The following PCDHA9 variants were observed in gnomAD, a reference collection of about 807,000 sequenced individuals.
The protein encoded by PCDHA9 is protocadherin alpha 9, also known as protocadherin alpha-9.
A neutral mutation model predicts 62.0 loss-of-function variants in PCDHA9; 62 were observed. The observed-to-expected ratio is 1.00, with a 90% CI of 0.81 to 1.23. PCDHA9 has a LOEUF of 1.23. Among genes scored for constraint, PCDHA9 ranks in the 50% most tolerant of loss-of-function variants. The pLI is 0.00. For missense variants in PCDHA9, 1,205 were observed against 1,249.8 expected, an observed-to-expected ratio of 0.96 and a Z score of 0.54; for synonymous variants, 557 against 567.6, an observed-to-expected ratio of 0.98 and a Z score of 0.27.
At chr5:140,896,555 T>C (rs2065621728) in intron 1 of PCDHA9, among the ~76,000 whole-genome samples, 1 of 151,910 alleles carries the variant, frequency 6.6e-6, no homozygotes, top group African/African-American at 2.4e-5. Context: ...TTTTGTATTT[T>C]AAGTAGAGAT....
chr5:140,867,131 T>C (rs769857763), intron 1 of PCDHA9: 1 of 152,188 alleles, frequency 6.6e-6, no homozygotes, highest in African/African-American at 2.4e-5. Context: ...TTCAAATATG[T>C]GATATTATCA....
At chr5:140,858,085 G>A (rs782551513) in intron 1 of PCDHA9, 1 of 1,597,828 alleles carries the variant, frequency 6.3e-7, no homozygotes, top group Non-Finnish European at 8.6e-7. Context: ...AGGCCTCGTC[G>A]CGGGCTTCAG....
rs2058926605 is a variant in PCDHA9, at chr5:140,882,051, AC to A, written c.2394+31163del. The A allele has an allele frequency of 7.9e-6, 6 of 757,556 alleles. No homozygotes were observed. The Admixed American group carries it at 1.6e-4, about 20-fold the overall frequency. 46.9% of individuals were successfully genotyped at this position (757,556 alleles called of 1,614,324 possible). A position where few individuals can be genotyped will look rare whatever the true frequency, so the allele number is the denominator to read the frequency against. ...AAAATATGAAGACTGAGTCATACTT[AC>A]ACTTACACGTTCATGCGCATGGTGT... On this transcript the variant is annotated intron_variant, in intron 1 of 3. Coordinates refer to ENST00000532602, the MANE Select transcript of PCDHA9 (RefSeq NM_031857.2).
intron 1 of PCDHA9, chr5:140,856,554 A>G: frequency 1.3e-6 from 2 of 1,598,244 alleles, no homozygotes; most frequent in Non-Finnish European, 1.7e-6. Context: ...TTGCTTACTT[A>G]CAAACTCAGT....
intron 1 of PCDHA9, chr5:140,877,199 C>T (rs1345698735): frequency 8.7e-6 from 14 of 1,613,698 alleles, no homozygotes; most frequent in Non-Finnish European, 1.2e-5. Flanking sequence ...GCAGGAGGCG[C>T]AGTTAGCGAG....
At chr5:140,869,359 G>A in intron 1 of PCDHA9, 1 of 1,614,110 alleles carries the variant, frequency 6.2e-7, no homozygotes, top group Non-Finnish European at 8.5e-7. Context: ...CATTTTGTTT[G>A]TGAATTCTCG....
chr5:140,903,275 T>A (rs1313552617), intron 1 of PCDHA9, among the ~76,000 whole-genome samples: 1 of 152,210 alleles, frequency 6.6e-6, no homozygotes, highest in East Asian at 1.9e-4. Flanking sequence ...TGAGGTAGTG[T>A]CTCATTGTGC....
intron 1 of PCDHA9, among the ~76,000 whole-genome samples, chr5:140,950,672 C>A (rs76583571): frequency 0.016 from 2,473 of 152,120 alleles, 63 homozygotes; most frequent in African/African-American, 0.055. Context: ...CAAACATGTA[C>A]ATGTATATTG....
chr5:140,985,471 G>A (rs926791157), intron 3 of PCDHA9, among the ~76,000 whole-genome samples: 4 of 152,148 alleles, frequency 2.6e-5, no homozygotes, highest in African/African-American at 9.7e-5. Flanking sequence ...AAAAAATTTG[G>A]TTGTTTCCAG....
intron 3 of PCDHA9, among the ~76,000 whole-genome samples, chr5:141,007,033 T>C (rs1357363669): frequency 6.6e-6 from 1 of 152,120 alleles, no homozygotes; most frequent in Non-Finnish European, 1.5e-5. Flanking sequence ...GGTATTTATA[T>C]CTATGGATAT....
At chr5:140,920,474 GT>G (rs1407391996) in intron 1 of PCDHA9, among the ~76,000 whole-genome samples, 1 of 152,008 alleles carries the variant, frequency 6.6e-6, no homozygotes, top group Non-Finnish European at 1.5e-5. Flanking sequence ...ATTTCTGTAT[GT>G]TTTTGGTCCA....
At chr5:140,953,124 A>G (rs1554220816) in intron 1 of PCDHA9, among the ~76,000 whole-genome samples, 1 of 152,150 alleles carries the variant, frequency 6.6e-6, no homozygotes, top group African/African-American at 2.4e-5. Flanking sequence ...ACAGATCTAA[A>G]CCGTATCACT....
intron 1 of PCDHA9, among the ~76,000 whole-genome samples, chr5:140,958,063 A>G (rs2095406851): frequency 6.6e-6 from 1 of 152,118 alleles, no homozygotes; most frequent in Non-Finnish European, 1.5e-5. Flanking sequence ...GAGAGAAAAA[A>G]CACAGAAGCA....
At chr5:140,977,055 A>G (rs1220462981) in intron 1 of PCDHA9, among the ~76,000 whole-genome samples, 1 of 152,234 alleles carries the variant, frequency 6.6e-6, no homozygotes, top group Non-Finnish European at 1.5e-5. Context: ...CTGATGGACT[A>G]GTATAGAAAA....
chr5:140,860,366 G>A (rs2046359217), intron 1 of PCDHA9: 1 of 152,102 alleles, frequency 6.6e-6, no homozygotes, highest in African/African-American at 2.4e-5. Flanking sequence ...GGATGACAAA[G>A]TGAGACCCTA....
chr5:140,962,269 T>A (rs1554225906), intron 1 of PCDHA9, among the ~76,000 whole-genome samples: 1 of 152,194 alleles, frequency 6.6e-6, no homozygotes, highest in Non-Finnish European at 1.5e-5. Flanking sequence ...TTTTATAATT[T>A]AAAAAACCTC....
In PCDHA9 at chr5:141,000,327, C is replaced by G. The variant is rs555445425; in HGVS notation, c.2543-9300C>G. On this transcript the variant is annotated intron_variant, in intron 3 of 3. Coordinates refer to ENST00000532602, the MANE Select transcript of PCDHA9 (RefSeq NM_031857.2). ...GAGTTCAAGACCAGCTTGGGCAACA[C>G]AGCAAGGCCCTATCTCTCTCTCTGT... is the stretch of plus-strand genomic sequence containing the variant. 3.5e-5 allele frequency among the ~76,000 whole-genome samples: 5 copies of G among 144,706 alleles called. No homozygotes were observed. The South Asian group carries it at 1.1e-3, about 32-fold the overall frequency. 94.9% of individuals were successfully genotyped at this position (144,706 alleles called of 152,430 possible). A position where few individuals can be genotyped will look rare whatever the true frequency, so the allele number is the denominator to read the frequency against.
intron 1 of PCDHA9, chr5:140,967,594 G>A: frequency 6.2e-7 from 1 of 1,614,142 alleles, no homozygotes; most frequent in Non-Finnish European, 8.5e-7. Flanking sequence ...GCACATTGGT[G>A]GTGAAGCTGA....
rs2041023883 is a variant in PCDHA9, at chr5:140,849,660, C to G, written c.1165C>G (p.Leu389Val). Residue 389 changes from leucine to valine, a missense_variant, in exon 1 of 4, where the codon CTG (leucine) becomes GTG (valine). Leu to Val is a conservative substitution (Grantham distance 32, BLOSUM62 1). Coordinates refer to ENST00000532602, the MANE Select transcript of PCDHA9 (RefSeq NM_031857.2). ...TGCCAACGGGCAGGTTACCTGCTCC[C>G]TGACGCCCCACGTCCCCTTCAAGCT... ...ADANGQVTCS[L>V]TPHVPFKLVS... 6.3e-7 allele frequency: 1 copy of G among 1,598,636 alleles called. No individual in the cohort carries two copies. Among genetic ancestry groups the G allele is most frequent in the Admixed American group, 1.7e-5 (1 of 59,306 alleles).
Sources: allele counts gnomAD v4.1 joint callset (sites outside exome capture counted in the v4.1 genomes callset), GRCh38; gene constraint gnomAD v4.1.1; transcripts MANE v1.5; gene names NCBI Gene and HGNC (gene_info 2026-07-23, HGNC 2026-07-21).